The following ANGPT1 variants were observed in gnomAD, a reference collection of about 807,000 sequenced individuals.
ANGPT1 encodes the protein angiopoietin 1.
Under a neutral mutation model 62.2 loss-of-function variants are expected in ANGPT1, and 17 were observed. The observed-to-expected ratio is 0.27, with a 90% CI of 0.19 to 0.41. The LOEUF is 0.41. Ranked by LOEUF, ANGPT1 falls within the 10% of genes least tolerant of loss-of-function variation. The pLI is 1.00. For synonymous variants in ANGPT1, 199 were observed against 198.9 expected (o/e 1.00, Z 0.00); for missense variants, 478 against 594.9 (o/e 0.80, Z 2.04).
At chr8:107,484,472 G>C (rs1210532361) in intron 1 of ANGPT1, among the ~76,000 whole-genome samples, 1 of 152,126 alleles carries the variant, frequency 6.6e-6, no homozygotes, top group Non-Finnish European at 1.5e-5. Context: ...CACGATCCCA[G>C]CTCACTGCAG....
intron 1 of ANGPT1, among the ~76,000 whole-genome samples, chr8:107,410,757 G>T (rs1817252112): frequency 6.6e-6 from 1 of 152,096 alleles, no homozygotes; most frequent in Admixed American, 6.6e-5. Flanking sequence ...CAAATATATG[G>T]TCAGCATAAA....
intron 1 of ANGPT1, among the ~76,000 whole-genome samples, chr8:107,381,491 G>T (rs1816635546): frequency 6.6e-6 from 1 of 152,168 alleles, no homozygotes; most frequent in Non-Finnish European, 1.5e-5. Context: ...GAGAAGAGTA[G>T]GTGCCCTCGT....
chr8:107,282,189 G>A (rs1039925398), intron 7 of ANGPT1, among the ~76,000 whole-genome samples: 4 of 151,868 alleles, frequency 2.6e-5, no homozygotes, highest in African/African-American at 9.7e-5. Context: ...ATGTTTTAAT[G>A]AGTTCTCATT....
intron 1 of ANGPT1, among the ~76,000 whole-genome samples, chr8:107,425,065 G>A (rs191369769): frequency 5.0e-4 from 76 of 152,240 alleles, no homozygotes; most frequent in African/African-American, 1.7e-3. Flanking sequence ...AGTAGAGACA[G>A]GGTTTCACCA....
chr8:107,255,799 A>G (rs1045232491), intron 8 of ANGPT1, among the ~76,000 whole-genome samples: 10 of 152,260 alleles, frequency 6.6e-5, no homozygotes, highest in African/African-American at 2.4e-4. Context: ...AAATCCTACT[A>G]AAGTGCCAGC....
chr8:107,496,760 C>A (rs955536292), intron 1 of ANGPT1, among the ~76,000 whole-genome samples: 1 of 151,918 alleles, frequency 6.6e-6, no homozygotes, highest in African/African-American at 2.4e-5. Context: ...TTTCTCCAAC[C>A]AAATATCATA....
intron 1 of ANGPT1, among the ~76,000 whole-genome samples, chr8:107,420,518 T>C (rs1376810768): frequency 6.6e-6 from 1 of 152,196 alleles, no homozygotes; most frequent in Non-Finnish European, 1.5e-5. Flanking sequence ...CTATTTACTT[T>C]ACTTTTCCAT....
At chr8:107,303,102 CAG>C (rs1814631887) in intron 5 of ANGPT1, 136 bp downstream of exon 5, 8 of 945,854 alleles carry the variant, frequency 8.5e-6, no homozygotes, top group South Asian at 6.0e-5. Context: ...ACCTGGGAAA[CAG>C]AGTATCTCTG....
intron 1 of ANGPT1, among the ~76,000 whole-genome samples, chr8:107,377,793 T>C (rs562519231): frequency 6.6e-6 from 1 of 152,132 alleles, no homozygotes; most frequent in African/African-American, 2.4e-5. Flanking sequence ...AATTACACAA[T>C]CTTGTCAAGA....
rs772107165 is a variant in ANGPT1, at chr8:107,278,066, CTCTTT to C, written c.1205+6611_1205+6615del. Among the ~76,000 whole-genome samples, 97 of 150,872 alleles carry C rather than the reference CTCTTT, an allele frequency of 6.4e-4. No individual in the cohort carries two copies. In the Middle Eastern group the frequency reaches 0.01, roughly 16 times the overall value. On this transcript the variant is annotated intron_variant, in intron 7 of 8. Transcript: ENST00000517746. ...AAATTTAATTTAAAAAGTCTGTTTG[CTCTTT>C]TCTTTTCTTTTTTTTTTTTTTAAAG... is the stretch of plus-strand genomic sequence containing the variant.
intron 7 of ANGPT1, among the ~76,000 whole-genome samples, chr8:107,276,089 G>A (rs1165346618): frequency 6.6e-6 from 1 of 152,110 alleles, no homozygotes; most frequent in African/African-American, 2.4e-5. Context: ...CCGTGCCTCT[G>A]AAGACCCAGG....
At chr8:107,328,915 CATAA>C (rs1255448407) in intron 3 of ANGPT1, among the ~76,000 whole-genome samples, 2 of 151,722 alleles carry the variant, frequency 1.3e-5, no homozygotes, top group African/African-American at 4.8e-5. Flanking sequence ...TATCTATTAA[CATAA>C]ATAATACTTA....
chr8:107,336,478 A>T (rs1007809431), intron 2 of ANGPT1: 12 of 620,296 alleles, frequency 1.9e-5, no homozygotes, highest in East Asian at 1.7e-4. Context: ...ATCCTGGCAA[A>T]CATGGTGAAA....
intron 7 of ANGPT1, among the ~76,000 whole-genome samples, chr8:107,280,189 A>G (rs1454784204): frequency 6.6e-6 from 1 of 151,674 alleles, no homozygotes; most frequent in Non-Finnish European, 1.5e-5. Flanking sequence ...GGGTGATGTT[A>G]CTTTCTTTCT....
intron 1 of ANGPT1, among the ~76,000 whole-genome samples, chr8:107,392,327 G>C (rs1816851769): frequency 6.6e-6 from 1 of 152,034 alleles, no homozygotes; most frequent in Admixed American, 6.6e-5. Context: ...ATTAGAATAT[G>C]TCTTTTCCCA....
rs77189737 is a variant in ANGPT1, at chr8:107,332,097, G to A, written c.575+4053C>T. The stretch of plus-strand genomic sequence containing the variant: ...GTTCAACTGAAGGAAACTGCATTAG[G>A]ACATCATTTCCTGTACACCTCTATT... On this transcript the variant is annotated intron_variant, in intron 3 of 8. Coordinates refer to ENST00000517746, the MANE Select transcript of ANGPT1 (RefSeq NM_001146.5). Among the ~76,000 whole-genome samples, 940 of 152,270 alleles carry A rather than the reference G, an allele frequency of 6.2e-3. 14 individuals carry two copies. The highest frequency in any genetic ancestry group is 0.021 in the African/African-American group (887 of 41,550).
chr8:107,251,710 A>C lies in ANGPT1; in HGVS notation c.*145T>G. Reference sequence around the variant, plus strand: ...TCAAACGGCTCCAGATTCACGGTCAAGAACCTTGGTGACTTCACATAACTA... The same window carrying C: ...TCAAACGGCTCCAGATTCACGGTCACGAACCTTGGTGACTTCACATAACTA... On this transcript the variant is annotated 3_prime_UTR_variant, in exon 9 of 9. Coordinates refer to ENST00000517746, the MANE Select transcript of ANGPT1 (RefSeq NM_001146.5). 9.6e-7 allele frequency: 1 copy of C among 1,044,828 alleles called. No homozygotes were observed. Among genetic ancestry groups the C allele is most frequent in the East Asian group, 2.6e-5 (1 of 38,448 alleles). The allele number at this position is 1,044,828 out of a possible 1,614,324, so 64.7% of individuals were successfully genotyped here.
intron 1 of ANGPT1, among the ~76,000 whole-genome samples, chr8:107,493,883 A>G (rs1813028806): frequency 6.7e-6 from 1 of 150,350 alleles, no homozygotes; most frequent in African/African-American, 2.5e-5. Context: ...TCAAATCTTA[A>G]CTCTGAAGAA....
chr8:107,288,035 C>T (rs1814184324), intron 6 of ANGPT1, among the ~76,000 whole-genome samples: 2 of 152,076 alleles, frequency 1.3e-5, no homozygotes, highest in Admixed American at 6.6e-5. Context: ...AAACAAGTTC[C>T]TTTCTACTTT....
Sources: gnomAD v4.1 joint callset for allele counts (sites outside exome capture counted in the v4.1 genomes callset) on GRCh38, gnomAD v4.1.1 for gene constraint, MANE v1.5 for transcripts, NCBI Gene and HGNC (gene_info 2026-07-23, HGNC 2026-07-21) for gene names.